The following MID2 variants were observed in gnomAD, a reference collection of about 807,000 sequenced individuals.
The protein encoded by MID2 is probable E3 ubiquitin-protein ligase MID2.
In MID2, 13 loss-of-function variants were observed where a neutral mutation model predicts 46.1. The observed-to-expected ratio is 0.28, with a 90% CI of 0.18 to 0.45. MID2 has a LOEUF of 0.45. MID2 is among the 20% of genes least tolerant of loss of function. The pLI, the probability that MID2 is intolerant of heterozygous loss-of-function variation, is 1.00. For synonymous variants in MID2, 199 were observed against 212.3 expected, an observed-to-expected ratio of 0.94 and a Z score of 0.55; for missense variants, 431 against 575.4, an observed-to-expected ratio of 0.75 and a Z score of 2.57.
chrX:107,839,302 G>A (rs1455533671), intron 1 of MID2, among the ~76,000 whole-genome samples: 9 of 110,904 alleles, frequency 8.1e-5, no homozygotes, highest in Non-Finnish European at 9.4e-5. Flanking sequence ...GCACAGAAAT[G>A]CCTGTGGAAA....
intron 3 of MID2, among the ~76,000 whole-genome samples, chrX:107,877,650 C>T (rs1193233476): frequency 8.9e-6 from 1 of 112,012 alleles, no homozygotes; most frequent in East Asian, 2.8e-4. Context: ...ATGCCTTCAT[C>T]CCCTTTACTG....
chrX:107,911,427 T>C lies in MID2; in HGVS notation c.1074-4575T>C, dbSNP rs745647611. ...CTTAATTTTTCATTAAATCCTTCTA[T>C]TGAAATTTTAATTTCAGCATTCCTA... On this transcript the variant is annotated intron_variant, in intron 5 of 9. Transcript: ENST00000262843. 3.6e-5 allele frequency among the ~76,000 whole-genome samples: 4 copies of C among 112,134 alleles called. No individual in the cohort carries two copies. The East Asian group carries it at 1.1e-3, about 31-fold the overall frequency.
At chrX:107,887,177 A>C (rs12012669) in intron 3 of MID2, among the ~76,000 whole-genome samples, 3,370 of 111,662 alleles carry the variant, frequency 0.03, 120 homozygotes, top group African/African-American at 0.1. Context: ...AGGAGTGGTG[A>C]GAGAGGGCAT....
intron 7 of MID2, among the ~76,000 whole-genome samples, chrX:107,920,590 C>G (rs1307248150): frequency 8.9e-6 from 1 of 112,103 alleles, no homozygotes; most frequent in Non-Finnish European, 1.9e-5. Flanking sequence ...CATTTACACT[C>G]AGGTTCAGGG....
Position 107,927,195 on chromosome X carries a change from T to C in MID2, c.*122T>C. 4 of 563,285 alleles carry C rather than the reference T, an allele frequency of 7.1e-6. 1 individual carries two copies. The South Asian group carries it at 2.1e-4, about 29-fold the overall frequency. 46.4% of individuals were successfully genotyped at this position (563,285 alleles called of 1,213,427 possible). On this transcript the variant is annotated 3_prime_UTR_variant, in exon 10 of 10. Coordinates refer to ENST00000262843, the MANE Select transcript of MID2 (RefSeq NM_012216.4). ...GTTTGTTTGAAGCATCCAAAATAAC[T>C]AGATATTGCAGATTTAATTTTTGTG...
Position 107,926,182 on chromosome X carries a change from T to C in MID2, c.1686T>C (p.Ser562=). 8.3e-7 allele frequency: 1 copy of C among 1,208,408 alleles called. No homozygotes were observed. The highest frequency in any genetic ancestry group is 1.1e-6 in the Non-Finnish European group (1 of 892,960). ...DGLQMEKDES[S]LKKSHTPERF... The stretch of plus-strand genomic sequence containing the variant: ...TGCAGATGGAGAAGGATGAAAGCTC[T>C]CTAAAGAAGAGCCACACCCCAGAGA... The change falls in exon 9 of 10, where the codon TCT becomes TCC. Residue 562 remains serine (S), a synonymous_variant. Coordinates refer to ENST00000262843, the MANE Select transcript of MID2 (RefSeq NM_012216.4).
Position 107,927,458 on chromosome X carries a change from AGC to A in MID2, c.*386_*387del, listed in dbSNP as rs1485142963. ...TAGCAAGCCAGAGCGGGGGGTGGTCAGCCTTTCTAGTACTGGCCAGTTTGGCC... is the reference window on the plus strand; with the variant it reads ...TAGCAAGCCAGAGCGGGGGGTGGTCACTTTCTAGTACTGGCCAGTTTGGCC... On this transcript the variant is annotated 3_prime_UTR_variant, in exon 10 of 10. Transcript: ENST00000262843. Among the ~76,000 whole-genome samples, 4 of 111,691 alleles carry A rather than the reference AGC, an allele frequency of 3.6e-5. No individual in the cohort carries two copies. The highest frequency in any genetic ancestry group is 1.3e-4 in the African/African-American group (4 of 30,730).
chrX:107,922,274 T>C (rs945566412), intron 7 of MID2, among the ~76,000 whole-genome samples: 5 of 111,430 alleles, frequency 4.5e-5, no homozygotes, highest in African/African-American at 1.6e-4. Flanking sequence ...TCTAAAATAG[T>C]TTCTGAATTG....
At chrX:107,873,574 T>C (rs1411553092) in intron 3 of MID2, among the ~76,000 whole-genome samples, 1 of 111,953 alleles carries the variant, frequency 8.9e-6, no homozygotes, top group African/African-American at 3.2e-5. Context: ...GAAAGATGTA[T>C]CCCTGAGAGA....
chrX:107,923,584 A>C (rs1199629998), intron 7 of MID2, among the ~76,000 whole-genome samples: 1 of 111,239 alleles, frequency 9.0e-6, no homozygotes. Flanking sequence ...TAGTGGGGAG[A>C]TGATATCTTG....
chrX:107,833,983 G>A (rs1931147839), intron 1 of MID2, among the ~76,000 whole-genome samples: 1 of 110,329 alleles, frequency 9.1e-6, no homozygotes, highest in African/African-American at 3.3e-5. Context: ...TTGTAGATAT[G>A]GGGTCTTGCC....
At position 107,927,655 on chromosome X, in the gene MID2, A is replaced by T. The variant is rs1414934733; in HGVS notation, c.*582A>T. Among the ~76,000 whole-genome samples, 4 of 112,146 alleles carry T rather than the reference A, an allele frequency of 3.6e-5. No individual in the cohort carries two copies. Among genetic ancestry groups the T allele is most frequent in the Non-Finnish European group, 1.9e-5 (1 of 53,214 alleles). Reference sequence around the variant, plus strand: ...TGTGTATGTATGTTTATGCATATTCACTTTATATATTACATATACACAAAA... The same window carrying T: ...TGTGTATGTATGTTTATGCATATTCTCTTTATATATTACATATACACAAAA... On this transcript the variant is annotated 3_prime_UTR_variant, in exon 10 of 10. Coordinates refer to ENST00000262843, the MANE Select transcript of MID2 (RefSeq NM_012216.4).
chrX:107,904,734 A>G (rs943219225), intron 4 of MID2, among the ~76,000 whole-genome samples: 3 of 112,093 alleles, frequency 2.7e-5, no homozygotes, highest in Non-Finnish European at 5.6e-5. Context: ...GAAGACATTC[A>G]GGTTTCTAGC....
chrX:107,872,512 C>T (rs367605258), intron 3 of MID2, among the ~76,000 whole-genome samples: 1 of 112,348 alleles, frequency 8.9e-6, no homozygotes, highest in South Asian at 3.7e-4. Context: ...TCCCCAATCT[C>T]TTCACATAGG....
intron 3 of MID2, among the ~76,000 whole-genome samples, chrX:107,861,657 T>C (rs1931857560): frequency 8.9e-6 from 1 of 112,282 alleles, no homozygotes; most frequent in South Asian, 3.7e-4. Flanking sequence ...GAAATGCAGG[T>C]TGCAAGAAGT....
chrX:107,844,007 G>T (rs1931404906), intron 2 of MID2, among the ~76,000 whole-genome samples: 2 of 110,697 alleles, frequency 1.8e-5, no homozygotes, highest in African/African-American at 6.6e-5. Context: ...TATCTAGGAG[G>T]TTGGCTTTTT....
chrX:107,926,581 A>G, intron 9 of MID2, 90 bp from the exon 10 acceptor site: 1 of 865,883 alleles, frequency 1.2e-6, no homozygotes, highest in Non-Finnish European at 1.6e-6. Flanking sequence ...ATAAACATAT[A>G]TCCTATTTGT....
chrX:107,850,197 C>G (rs919978932), intron 2 of MID2, among the ~76,000 whole-genome samples: 2 of 109,955 alleles, frequency 1.8e-5, no homozygotes, highest in Admixed American at 1.9e-4. Flanking sequence ...CAGACACACA[C>G]ACACACACAC....
At chrX:107,892,708 C>T (rs1014786963) in intron 3 of MID2, among the ~76,000 whole-genome samples, 1 of 111,959 alleles carries the variant, frequency 8.9e-6, no homozygotes, top group Non-Finnish European at 1.9e-5. Flanking sequence ...TTGCTGTCTT[C>T]GTCTTCTCTG....
Sources: allele counts gnomAD v4.1 joint callset (sites outside exome capture counted in the v4.1 genomes callset), GRCh38; gene constraint gnomAD v4.1.1; transcripts MANE v1.5; gene names NCBI Gene and HGNC (gene_info 2026-07-23, HGNC 2026-07-21).